The following RANBP17 variants were observed in gnomAD, a reference collection of about 807,000 sequenced individuals.
RANBP17 encodes the protein RAN binding protein 17, also known as ran-binding protein 17.
RANBP17 carries 158 observed loss-of-function variants against 141.2 expected under a neutral mutation model. The observed-to-expected ratio is 1.12, with a 90% CI of 0.98 to 1.28. The LOEUF (loss-of-function observed/expected upper bound fraction) is 1.28. Among genes scored for constraint, RANBP17 ranks in the 50% most tolerant of loss-of-function variants. The pLI is 0.00. For synonymous variants in RANBP17, 430 were observed against 450.0 expected (o/e 0.96, Z 0.56); for missense variants, 1,438 against 1,290.7 (o/e 1.11, Z -1.75).
intron 13 of RANBP17, among the ~76,000 whole-genome samples, chr5:170,964,986 A>G (rs1776437835): frequency 6.6e-6 from 1 of 152,176 alleles, no homozygotes; most frequent in Non-Finnish European, 1.5e-5. Flanking sequence ...GACTTCCACA[A>G]TGGTTGAACT....
intron 12 of RANBP17, among the ~76,000 whole-genome samples, chr5:170,948,708 C>G (rs1446687474): frequency 1.3e-5 from 2 of 152,052 alleles, no homozygotes; most frequent in South Asian, 4.1e-4. Flanking sequence ...ACAAACTGTT[C>G]CTAAAGTTCA....
At chr5:171,114,592 AAG>A (rs948642621) in intron 14 of RANBP17, among the ~76,000 whole-genome samples, 4 of 151,306 alleles carry the variant, frequency 2.6e-5, no homozygotes, top group African/African-American at 9.7e-5. Context: ...TCCAGCCACA[AAG>A]AGGGAATATT....
intron 5 of RANBP17, among the ~76,000 whole-genome samples, chr5:170,901,844 T>C (rs1770662869): frequency 6.6e-6 from 1 of 152,240 alleles, no homozygotes; most frequent in African/African-American, 2.4e-5. Context: ...TGTTGAATAT[T>C]GGCCCCCACT....
chr5:171,055,880 C>CAAAAAAAAAAAAA (rs72488636), intron 14 of RANBP17, among the ~76,000 whole-genome samples: 9 of 25,096 alleles, frequency 3.6e-4, no homozygotes, highest in Admixed American at 9.8e-4. Context: ...GTCCTGTTGC[C>CAAAAAAAAAAAAA]AAAAAAAAAA....
chr5:170,873,015 GATTC>G (rs1268251582), intron 1 of RANBP17, among the ~76,000 whole-genome samples: 1 of 152,148 alleles, frequency 6.6e-6, no homozygotes, highest in African/African-American at 2.4e-5. Flanking sequence ...GGGTTCATGA[GATTC>G]TTCTGCCTTA....
intron 12 of RANBP17, among the ~76,000 whole-genome samples, chr5:170,943,949 A>G (rs117407855): frequency 6.6e-6 from 1 of 152,312 alleles, no homozygotes; most frequent in East Asian, 1.9e-4. Context: ...GCTGTACATT[A>G]GTAGACTTAC....
intron 5 of RANBP17, among the ~76,000 whole-genome samples, chr5:170,902,629 G>A (rs571804988): frequency 8.9e-4 from 135 of 152,310 alleles, no homozygotes; most frequent in African/African-American, 3.1e-3. Flanking sequence ...CAGCCTTTTT[G>A]CACTGGTTTT....
At chr5:170,901,990 TTA>T (rs2127404575) in intron 5 of RANBP17, among the ~76,000 whole-genome samples, 1 of 152,312 alleles carries the variant, frequency 6.6e-6, no homozygotes, top group Admixed American at 6.5e-5. Flanking sequence ...AATCTGACGA[TTA>T]TGTGTCTTGG....
chr5:170,890,035 CTTTG>C (rs1452623451), intron 3 of RANBP17, among the ~76,000 whole-genome samples: 2 of 151,886 alleles, frequency 1.3e-5, no homozygotes, highest in South Asian at 2.1e-4. Flanking sequence ...CCCTAGGTAC[CTTTG>C]TTTGGGCAAT....
chr5:171,165,791 C>T (rs192570631), intron 14 of RANBP17, among the ~76,000 whole-genome samples: 13 of 152,176 alleles, frequency 8.5e-5, no homozygotes, highest in East Asian at 7.7e-4. Context: ...GAGAAGTGCC[C>T]GTAACAGGCT....
chr5:170,878,392 T>A, intron 2 of RANBP17, 149 bp downstream of exon 2: 1 of 608,322 alleles, frequency 1.6e-6, no homozygotes, highest in Non-Finnish European at 2.5e-6. Flanking sequence ...TCAAAGGGGT[T>A]AATCAGGAAA....
intron 24 of RANBP17, among the ~76,000 whole-genome samples, chr5:171,264,207 G>A (rs1766520110): frequency 6.6e-6 from 1 of 152,148 alleles, no homozygotes; most frequent in Non-Finnish European, 1.5e-5. Flanking sequence ...GGACGCAAAG[G>A]CATGAGAATG....
chr5:171,259,198 T>C (rs1013312417), intron 24 of RANBP17, among the ~76,000 whole-genome samples: 1 of 152,142 alleles, frequency 6.6e-6, no homozygotes, highest in African/African-American at 2.4e-5. Context: ...AGAATGGCTA[T>C]TATTAAAAAG....
intron 7 of RANBP17, 25 bp downstream of exon 7, chr5:170,911,159 G>A (rs62621882): frequency 0.043 from 68,349 of 1,603,650 alleles, 1,704 homozygotes; most frequent in South Asian, 0.052. Flanking sequence ...TGGTATGAAG[G>A]GTCATCAACA....
chr5:171,033,254 G>T (rs1781663138), intron 14 of RANBP17, among the ~76,000 whole-genome samples: 3 of 152,088 alleles, frequency 2.0e-5, no homozygotes, highest in Admixed American at 2.0e-4. Flanking sequence ...TTACAGTGTG[G>T]ATAGGCCAGT....
chr5:171,242,539 T>A (rs1764944831), intron 23 of RANBP17, 143 bp from the exon 24 acceptor site: 1 of 801,564 alleles, frequency 1.2e-6, no homozygotes, highest in African/African-American at 1.7e-5. Context: ...TGGGACTCAT[T>A]ATGTCATTTG....
chr5:170,968,380 A>T lies in RANBP17; in HGVS notation c.1710+3A>T. Reference sequence around the variant, plus strand: ...ATCAACTTCAAAGAACCTCAAAGGTAGGTTTCTACTAGAGAGTTTAAAACA... The same window carrying T: ...ATCAACTTCAAAGAACCTCAAAGGTTGGTTTCTACTAGAGAGTTTAAAACA... On this transcript the variant is annotated splice_donor_region_variant and intron_variant, in intron 14 of 27. Transcript: ENST00000523189. The T allele has an allele frequency of 6.2e-7, 1 of 1,603,030 alleles. No homozygotes were observed. Among genetic ancestry groups the T allele is most frequent in the Non-Finnish European group, 8.5e-7 (1 of 1,175,478 alleles).
chr5:170,862,021 G>A lies in RANBP17; in HGVS notation c.-13G>A. 2.7e-6 allele frequency: 4 copies of A among 1,457,198 alleles called. No individual in the cohort carries two copies. Among genetic ancestry groups the A allele is most frequent in the South Asian group, 2.6e-5 (2 of 75,486 alleles). The allele number at this position is 1,457,198 out of a possible 1,614,324, so 90.3% of individuals were successfully genotyped here. A position where few individuals can be genotyped will look rare whatever the true frequency, so the allele number is the denominator to read the frequency against. ...GCCGACCGGCCGGCTGGCCGGCGCCGCCTCCTGGGAAGATGGCGCTGCACT... is the reference window on the plus strand; with the variant it reads ...GCCGACCGGCCGGCTGGCCGGCGCCACCTCCTGGGAAGATGGCGCTGCACT... On this transcript the variant is annotated 5_prime_UTR_variant, in exon 1 of 28. Transcript: ENST00000523189.
intron 12 of RANBP17, among the ~76,000 whole-genome samples, chr5:170,935,591 G>A (rs1310089771): frequency 1.3e-5 from 2 of 152,280 alleles, no homozygotes; most frequent in Non-Finnish European, 2.9e-5. Flanking sequence ...GACCCTGTTT[G>A]CCTGGGTATC....
Sources: allele counts gnomAD v4.1 joint callset (sites outside exome capture counted in the v4.1 genomes callset), GRCh38; gene constraint gnomAD v4.1.1; transcripts MANE v1.5; gene names NCBI Gene and HGNC (gene_info 2026-07-23, HGNC 2026-07-21).